XRCC4: variants seen among roughly 807,000 people sequenced by gnomAD.
XRCC4 encodes the protein DNA repair protein XRCC4.
XRCC4 carries 28 observed loss-of-function variants against 39.1 expected under a neutral mutation model. That is an observed-to-expected ratio of 0.72 (90% CI 0.53 to 0.98). The LOEUF is 0.98. Ranked by LOEUF, XRCC4 falls within the 50% of genes least tolerant of loss-of-function variation. The probability of loss-of-function intolerance (pLI) is 0.00; values close to 1 mark genes in which losing one functional copy is unlikely to be tolerated. For synonymous variants in XRCC4, 123 were observed against 126.4 expected (o/e 0.97, Z 0.18); for missense variants, 350 against 376.4 (o/e 0.93, Z 0.58).
At chr5:83,215,590 A>G (rs1026882459) in intron 6 of XRCC4, among the ~76,000 whole-genome samples, 4 of 152,190 alleles carry the variant, frequency 2.6e-5, no homozygotes, top group Admixed American at 6.5e-5. Context: ...TAATATTATT[A>G]TTATAAAGAT....
chr5:83,119,134 A>G (rs1296895635), intron 3 of XRCC4, among the ~76,000 whole-genome samples: 1 of 152,192 alleles, frequency 6.6e-6, no homozygotes, highest in East Asian at 1.9e-4. Context: ...CAGCAGTCCA[A>G]AATCCTATAT....
intron 6 of XRCC4, among the ~76,000 whole-genome samples, chr5:83,250,680 A>G (rs1309969788): frequency 2.4e-4 from 1 of 4,230 alleles, no homozygotes; most frequent in Non-Finnish European, 4.4e-4. Context: ...TGAAAACCTA[A>G]TTTTAAAGCC....
intron 7 of XRCC4, among the ~76,000 whole-genome samples, chr5:83,324,799 G>C (rs912614510): frequency 2.0e-5 from 3 of 152,068 alleles, no homozygotes; most frequent in Non-Finnish European, 4.4e-5. Flanking sequence ...CTTAGGGAGA[G>C]TAAAGATTTT....
chr5:83,291,402 TC>T (rs148808380), intron 7 of XRCC4, among the ~76,000 whole-genome samples: 3,432 of 151,996 alleles, frequency 0.023, 113 homozygotes, highest in African/African-American at 0.077. Flanking sequence ...TGGTCATTTT[TC>T]TATAAAATTT....
At chr5:83,363,068 G>A in the XRCC4 span, among the ~76,000 whole-genome samples, 11 of 152,314 alleles carry the variant, frequency 7.2e-5, no homozygotes, top group African/African-American at 1.9e-4. Context: ...ATCAAGATAC[G>A]TGGTAAGTGC....
intron 2 of XRCC4, among the ~76,000 whole-genome samples, chr5:83,107,401 T>A (rs182667759): frequency 1.3e-5 from 2 of 152,102 alleles, no homozygotes; most frequent in African/African-American, 4.8e-5. Flanking sequence ...TGTTCAACAT[T>A]TTGATTACTG....
intron 3 of XRCC4, among the ~76,000 whole-genome samples, chr5:83,162,762 G>A (rs1469941388): frequency 2.0e-5 from 3 of 152,096 alleles, no homozygotes; most frequent in African/African-American, 7.2e-5. Context: ...CAATGAATAC[G>A]ATGGGAACAG....
chr5:83,255,043 C>A (rs182523098), intron 6 of XRCC4, among the ~76,000 whole-genome samples: 2 of 150,864 alleles, frequency 1.3e-5, no homozygotes, highest in Non-Finnish European at 2.9e-5. Context: ...GCCGAGATCA[C>A]GCCATTGCGC....
chr5:83,092,834 C>A (rs1745490189), intron 1 of XRCC4, among the ~76,000 whole-genome samples: 2 of 151,732 alleles, frequency 1.3e-5, no homozygotes. Flanking sequence ...AACTATCAAA[C>A]CACAAAGGAA....
intron 7 of XRCC4, among the ~76,000 whole-genome samples, chr5:83,301,789 A>T (rs1755293362): frequency 6.6e-6 from 1 of 152,080 alleles, no homozygotes; most frequent in African/African-American, 2.4e-5. Context: ...CAGTTTTCTG[A>T]ATATGGCTGG....
chr5:83,120,851 G>A (rs1049090911), intron 3 of XRCC4, among the ~76,000 whole-genome samples: 1 of 152,078 alleles, frequency 6.6e-6, no homozygotes, highest in Non-Finnish European at 1.5e-5. Context: ...ATTTTAAAAT[G>A]TGTACATACC....
intron 3 of XRCC4, among the ~76,000 whole-genome samples, chr5:83,137,265 A>G (rs1403206356): frequency 1.3e-5 from 2 of 152,158 alleles, no homozygotes; most frequent in Non-Finnish European, 2.9e-5. Context: ...ATGAATGAAG[A>G]ACAGAAATCT....
At position 83,290,371 on chromosome 5, in the gene XRCC4, TATTA is replaced by T. The variant is rs555914791; in HGVS notation, c.893+31698_893+31701del. The stretch of plus-strand genomic sequence containing the variant: ...ATTATATATAAAGTGGATGCCCTTT[TATTA>T]ATTCTATTTAAGAAAATAGAAACTT... On this transcript the variant is annotated intron_variant, in intron 7 of 7. Coordinates refer to ENST00000396027, the MANE Select transcript of XRCC4 (RefSeq NM_003401.5). Among the ~76,000 whole-genome samples, 694 of 151,382 alleles carry T rather than the reference TATTA, an allele frequency of 4.6e-3. 2 individuals are homozygous for T. The highest frequency in any genetic ancestry group is 0.016 in the African/African-American group (663 of 41,448).
intron 7 of XRCC4, among the ~76,000 whole-genome samples, chr5:83,268,971 G>A (rs1754046320): frequency 6.6e-6 from 1 of 152,132 alleles, no homozygotes; most frequent in Admixed American, 6.6e-5. Context: ...CTTGGGTTAA[G>A]CAATAAATGG....
intron 6 of XRCC4, among the ~76,000 whole-genome samples, chr5:83,211,077 A>C (rs1181156131): frequency 6.6e-6 from 1 of 152,232 alleles, no homozygotes; most frequent in Admixed American, 6.5e-5. Flanking sequence ...TGAATCTAAA[A>C]TTGACCCAAA....
rs180726088 is a variant in XRCC4, at chr5:83,153,502, A to G, written c.316-42268A>G. Among the ~76,000 whole-genome samples the G allele has an allele frequency of 1.7e-3, 256 of 152,340 alleles. 3 individuals carry two copies. Among genetic ancestry groups the G allele is most frequent in the African/African-American group, 5.9e-3 (246 of 41,578 alleles). ...AAAAAATGATTTAGAAAATGTGCAC[A>G]AGACATGAACAGCCATTTCACCAAG... On this transcript the variant is annotated intron_variant, in intron 3 of 7. Coordinates refer to ENST00000396027, the MANE Select transcript of XRCC4 (RefSeq NM_003401.5).
chr5:83,229,659 C>CTTTTT lies in XRCC4; in HGVS notation c.745+24756_745+24760dup, dbSNP rs61356475. Among the ~76,000 whole-genome samples the CTTTTT allele has an allele frequency of 5.9e-4, 61 of 103,696 alleles. 2 individuals carry two copies. The highest frequency in any genetic ancestry group is 2.2e-3 in the African/African-American group (57 of 25,986). 68.0% of individuals were successfully genotyped at this position (103,696 alleles called of 152,430 possible). A position where few individuals can be genotyped will look rare whatever the true frequency, so the allele number is the denominator to read the frequency against. On this transcript the variant is annotated intron_variant, in intron 6 of 7. Transcript: ENST00000396027. Reference sequence around the variant, plus strand: ...TATTCCAGGAGACAAAATGTTTAAACTTTTTTTTTTTTTTTTTTTTTTGCT... The same window carrying CTTTTT: ...TATTCCAGGAGACAAAATGTTTAAACTTTTTTTTTTTTTTTTTTTTTTTTTTTGCT...
intron 3 of XRCC4, among the ~76,000 whole-genome samples, chr5:83,130,668 G>A (rs1445244723): frequency 4.6e-5 from 7 of 151,994 alleles, no homozygotes; most frequent in Admixed American, 3.3e-4. Flanking sequence ...GTCTATTCAG[G>A]GATTCAGCTT....
intron 1 of XRCC4, among the ~76,000 whole-genome samples, chr5:83,082,089 T>C (rs1358515947): frequency 6.6e-6 from 1 of 152,236 alleles, no homozygotes; most frequent in East Asian, 1.9e-4. Context: ...CTGCTATTAG[T>C]ATACTGATCA....
Sources: gnomAD v4.1 joint callset for allele counts (sites outside exome capture counted in the v4.1 genomes callset) on GRCh38, gnomAD v4.1.1 for gene constraint, MANE v1.5 for transcripts, NCBI Gene and HGNC (gene_info 2026-07-23, HGNC 2026-07-21) for gene names.